The following UNC80 variants were observed in gnomAD, a reference collection of about 807,000 sequenced individuals.
UNC80 encodes unc-80 subunit of NALCN channel complex.
UNC80 carries 164 observed loss-of-function variants against 384.6 expected under a neutral mutation model. That is an observed-to-expected ratio of 0.43 (90% CI 0.38 to 0.49). The LOEUF (loss-of-function observed/expected upper bound fraction) is 0.49, where lower values mean the gene tolerates loss of function less well. UNC80 is among the 20% of genes least tolerant of loss of function. The pLI, the probability that UNC80 is intolerant of heterozygous loss-of-function variation, is 0.00. For missense variants in UNC80, 3,330 were observed against 4,143.0 expected (o/e 0.80, Z 5.39); for synonymous variants, 1,486 against 1,527.8 (o/e 0.97, Z 0.64).
intron 11 of UNC80, among the ~76,000 whole-genome samples, chr2:209,818,720 T>A (rs1475761387): frequency 6.6e-6 from 1 of 152,202 alleles, no homozygotes; most frequent in Non-Finnish European, 1.5e-5. Flanking sequence ...CTAAACTAAG[T>A]CAGTGTTAGA....
chr2:209,948,568 A>G (rs141219323), intron 47 of UNC80, among the ~76,000 whole-genome samples: 1 of 152,204 alleles, frequency 6.6e-6, no homozygotes, highest in East Asian at 1.9e-4. Context: ...AGTGTTTTCT[A>G]TTTAATTAAT....
intron 25 of UNC80, 94 bp downstream of exon 25, chr2:209,881,188 A>G: frequency 7.2e-7 from 1 of 1,381,242 alleles, no homozygotes; most frequent in Non-Finnish European, 9.7e-7. Context: ...TAAATGTTCC[A>G]TGGCTAGTGT....
At chr2:209,907,253 A>G (rs1273621559) in intron 29 of UNC80, among the ~76,000 whole-genome samples, 6 of 148,896 alleles carry the variant, frequency 4.0e-5, no homozygotes, top group African/African-American at 1.5e-4. Flanking sequence ...CCTGTGGACC[A>G]TGCTGAGCCC....
At chr2:209,903,862 A>C (rs1356574069) in intron 28 of UNC80, among the ~76,000 whole-genome samples, 1 of 151,612 alleles carries the variant, frequency 6.6e-6, no homozygotes, top group African/African-American at 2.4e-5. Flanking sequence ...GGCCTTGCCC[A>C]CATCATCTTG....
rs187896694 is a variant in UNC80, at chr2:209,792,567, T to C, written c.799-1153T>C. On this transcript the variant is annotated intron_variant, in intron 6 of 64. Transcript: ENST00000673920. ...TTTTACCATGTTAGCCCGGATGGTC[T>C]CGATCTCCTGACCTCGTGATCCGCC... Among the ~76,000 whole-genome samples the C allele has an allele frequency of 7.5e-3, 1,143 of 152,248 alleles. 19 individuals are homozygous for C. The highest frequency in any genetic ancestry group is 0.026 in the African/African-American group (1,071 of 41,538).
chr2:209,965,471 G>GTT (rs879799244), intron 51 of UNC80, among the ~76,000 whole-genome samples: 5 of 141,810 alleles, frequency 3.5e-5, no homozygotes, highest in Non-Finnish European at 3.1e-5. Context: ...GAAGTTTTTT[G>GTT]TTTTTTTTTT....
chr2:209,851,230 A>G (rs2082507974), intron 22 of UNC80, among the ~76,000 whole-genome samples: 5 of 152,120 alleles, frequency 3.3e-5, no homozygotes, highest in Non-Finnish European at 5.9e-5. Flanking sequence ...AAGTGCTGAT[A>G]TGAGTGGAAG....
intron 35 of UNC80, among the ~76,000 whole-genome samples, chr2:209,922,733 G>A (rs1029303980): frequency 6.6e-6 from 1 of 152,178 alleles, no homozygotes; most frequent in Non-Finnish European, 1.5e-5. Flanking sequence ...CAAAATCTCT[G>A]AGGGTAGGAC....
intron 14 of UNC80, among the ~76,000 whole-genome samples, chr2:209,827,517 T>C (rs1177017933): frequency 1.3e-5 from 2 of 152,186 alleles, no homozygotes; most frequent in Non-Finnish European, 2.9e-5. Flanking sequence ...ACACTTCCTA[T>C]GAGGGCATCC....
In UNC80 at chr2:209,813,723, A is replaced by G; in HGVS notation, c.1082A>G (p.His361Arg). Residue 361 changes from histidine (H) to arginine (R), a missense_variant, in exon 8 of 65, where the codon CAC (histidine) becomes CGC (arginine). Transcript: ENST00000673920. ...SLMYYLQRLR[H>R]MLEEKPEKPP... ...ATGTACTATCTACAAAGGCTGCGAC[A>G]CATGTTGGAAGAGAAGCCAGAAAAG... 6.4e-7 allele frequency: 1 copy of G among 1,551,758 alleles called. No homozygotes were observed. Among genetic ancestry groups the G allele is most frequent in the Non-Finnish European group, 8.7e-7 (1 of 1,147,010 alleles).
At chr2:209,838,295 A>T (rs1454788492) in intron 18 of UNC80, among the ~76,000 whole-genome samples, 1 of 135,160 alleles carries the variant, frequency 7.4e-6, no homozygotes, top group Non-Finnish European at 1.6e-5. Context: ...TCCCTTAATC[A>T]CTGCTAATTT....
chr2:209,828,413 A>G (rs2080702739), intron 14 of UNC80, among the ~76,000 whole-genome samples: 1 of 152,198 alleles, frequency 6.6e-6, no homozygotes, highest in Admixed American at 6.5e-5. Context: ...AAATGTATCA[A>G]TCCATCTGAC....
chr2:209,815,533 C>A, intron 9 of UNC80, 142 bp downstream of exon 9: 1 of 812,484 alleles, frequency 1.2e-6, no homozygotes, highest in Non-Finnish European at 1.9e-6. Context: ...AGATGTGACA[C>A]TGACTTGCAG....
chr2:209,809,945 TGACA>T lies in UNC80; in HGVS notation c.939-3629_939-3626del, dbSNP rs773267096. On this transcript the variant is annotated intron_variant, in intron 7 of 64. Coordinates refer to ENST00000673920, the MANE Select transcript of UNC80 (RefSeq NM_001371986.1). ...GCTGTTTGAGCTACAGGACAAGAGC[TGACA>T]GACAGTGTCCACCCCAGTCAGGGGA... 1.1e-4 allele frequency among the ~76,000 whole-genome samples: 16 copies of T among 152,184 alleles called. No individual in the cohort carries two copies. In the East Asian group the frequency reaches 1.2e-3, roughly 11 times the overall value.
chr2:209,793,977 A>T (rs2077999065), intron 7 of UNC80, 118 bp downstream of exon 7: 1 of 1,190,956 alleles, frequency 8.4e-7, no homozygotes, highest in African/African-American at 1.5e-5. Flanking sequence ...TAATATGTGT[A>T]TACATATTCT....
chr2:209,781,183 A>C (rs1158559121), intron 4 of UNC80, among the ~76,000 whole-genome samples: 2 of 152,126 alleles, frequency 1.3e-5, no homozygotes, highest in East Asian at 3.9e-4. Flanking sequence ...CTTACTCTTC[A>C]ATCTCTTATT....
intron 25 of UNC80, among the ~76,000 whole-genome samples, chr2:209,884,782 C>T (rs945643220): frequency 1.3e-5 from 2 of 152,048 alleles, no homozygotes; most frequent in Non-Finnish European, 2.9e-5. Context: ...TTATCCTCAG[C>T]AAACTAACGA....
Position 209,995,708 on chromosome 2 carries a change from T to C in UNC80, c.*113T>C. On this transcript the variant is annotated 3_prime_UTR_variant, in exon 65 of 65. Coordinates refer to ENST00000673920, the MANE Select transcript of UNC80 (RefSeq NM_001371986.1). ...TAATTACAAAATAGCACTTTACTTC[T>C]AATGGGTGGCACAAATCTGAATAGG... 1 of 1,271,598 alleles carries C rather than the reference T, an allele frequency of 7.9e-7. No individual in the cohort carries two copies. The highest frequency in any genetic ancestry group is 1.1e-6 in the Non-Finnish European group (1 of 933,248). The allele number at this position is 1,271,598 out of a possible 1,614,324, so 78.8% of individuals were successfully genotyped here.
chr2:209,864,354 TG>T (rs1381211312), intron 22 of UNC80, among the ~76,000 whole-genome samples: 6 of 152,164 alleles, frequency 3.9e-5, no homozygotes, highest in African/African-American at 1.4e-4. Flanking sequence ...ACCCATTTAA[TG>T]AAGCACTTTG....
Sources: gnomAD v4.1 joint callset for allele counts (sites outside exome capture counted in the v4.1 genomes callset) on GRCh38, gnomAD v4.1.1 for gene constraint, MANE v1.5 for transcripts, NCBI Gene and HGNC (gene_info 2026-07-23, HGNC 2026-07-21) for gene names.